Variants in TNKS1BP1 observed in about 807,000 individuals in gnomAD.
The protein encoded by TNKS1BP1 is 182 kDa tankyrase-1-binding protein.
TNKS1BP1 carries 48 observed loss-of-function variants against 141.1 expected under a neutral mutation model. The observed-to-expected ratio is 0.34, with a 90% CI of 0.27 to 0.43. The LOEUF is 0.43. Among genes scored for constraint, TNKS1BP1 ranks in the 20% least tolerant of loss-of-function variants. The probability of loss-of-function intolerance (pLI) is 1.00; values close to 1 mark genes in which losing one functional copy is unlikely to be tolerated. For missense variants in TNKS1BP1, 2,149 were observed against 2,226.0 expected (o/e 0.97, Z 0.70); for synonymous variants, 875 against 898.2 (o/e 0.97, Z 0.46).
chr11:57,313,935 G>T, intron 4 of TNKS1BP1, 46 bp from the exon 5 acceptor site: 1 of 1,433,014 alleles, frequency 7.0e-7, no homozygotes, highest in East Asian at 2.6e-5. Flanking sequence ...CCTCTCAGCG[G>T]GGCGGGGAGG....
At chr11:57,318,543 C>T (rs998477607) in intron 3 of TNKS1BP1, among the ~76,000 whole-genome samples, 16 of 152,240 alleles carry the variant, frequency 1.1e-4, no homozygotes, top group African/African-American at 3.9e-4. Flanking sequence ...GCCCAGACCA[C>T]ACCAGCTCTT....
In TNKS1BP1 at chr11:57,310,301, T is replaced by C. The variant is rs1855685628; in HGVS notation, c.2410A>G (p.Ser804Gly). 1 of 1,613,936 alleles carries C rather than the reference T, an allele frequency of 6.2e-7. No homozygotes were observed. The highest frequency in any genetic ancestry group is 1.3e-5 in the African/African-American group (1 of 74,928). The change falls in exon 6 of 12, where the codon AGC becomes GGC. Residue 804 changes from serine to glycine, a missense_variant. Physicochemically the swap from Ser to Gly is moderately conservative, Grantham distance 56. Coordinates refer to ENST00000358252, the MANE Select transcript of TNKS1BP1 (RefSeq NM_033396.3). ...CGIGQEEMEA[S>G]SSQDQSKVSA... ...ACTTTACTCTGGTCTTGGCTGCTGC[T>C]GGCCTCCATCTCCTCCTGGCCGATG...
At chr11:57,305,262 G>A (rs922662391) in intron 6 of TNKS1BP1, among the ~76,000 whole-genome samples, 1 of 152,178 alleles carries the variant, frequency 6.6e-6, no homozygotes, top group African/African-American at 2.4e-5. Context: ...CTGTAAAATG[G>A]GGATAATAAA....
At chr11:57,321,744 T>TGCCACCCCCCA in intron 2 of TNKS1BP1, 48 bp downstream of exon 2, 5 of 1,039,820 alleles carry the variant, frequency 4.8e-6, no homozygotes, top group Non-Finnish European at 7.4e-6. Flanking sequence ...CCTCTGTCCT[T>TGCCACCCCCCA]CCCACCCCCC....
In TNKS1BP1 at chr11:57,308,682, G is replaced by T. The variant is rs1315271821; in HGVS notation, c.4029C>A (p.Asp1343Glu). ...GLRGCGVGQM[D>E]WTQDLAPQNV... ...TCTGGGGCGCCAAGTCCTGGGTCCA[G>T]TCCATCTGCCCCACTCCACATCCCC... The change falls in exon 6 of 12, where the codon GAC becomes GAA. Residue 1343 changes from aspartate (D) to glutamate (E), a missense_variant. Asp to Glu is a conservative substitution (Grantham distance 45, BLOSUM62 2). Coordinates refer to ENST00000358252, the MANE Select transcript of TNKS1BP1 (RefSeq NM_033396.3). 2 of 1,612,742 alleles carry T rather than the reference G, an allele frequency of 1.2e-6. No homozygotes were observed. Among genetic ancestry groups the T allele is most frequent in the African/African-American group, 2.7e-5 (2 of 74,888 alleles).
intron 9 of TNKS1BP1, 34 bp from the exon 10 acceptor site, chr11:57,301,075 G>A (rs1159913029): frequency 1.3e-6 from 2 of 1,572,358 alleles, no homozygotes; most frequent in Admixed American, 1.8e-5. Flanking sequence ...ATAGATAGTA[G>A]AGGGACAGGC....
At chr11:57,307,442 CCT>C (rs1352420765) in intron 6 of TNKS1BP1, among the ~76,000 whole-genome samples, 1 of 152,060 alleles carries the variant, frequency 6.6e-6, no homozygotes, top group African/African-American at 2.4e-5. Context: ...GGCCCATCTT[CCT>C]CTCTCCCTTC....
rs200051904 is a variant in TNKS1BP1 at position 57,308,354 on chromosome 11, C to T, written c.4316+41G>A. On this transcript the variant is annotated intron_variant, in intron 6 of 11. Transcript: ENST00000358252. ...GTTCCGATTTCTTGGACAGCCTTCA[C>T]ATGTTCCCTCCCACACTTGGGATGG... 2.9e-3 allele frequency: 4,635 copies of T among 1,571,234 alleles called. 158 individuals carry two copies. In the South Asian group the frequency reaches 0.052, roughly 18 times the overall value.
At position 57,302,220 on chromosome 11, in the gene TNKS1BP1, G is replaced by A. The variant is rs765583223; in HGVS notation, c.4688C>T (p.Thr1563Ile). 1.9e-6 allele frequency: 3 copies of A among 1,610,718 alleles called. No homozygotes were observed. The highest frequency in any genetic ancestry group is 2.5e-6 in the Non-Finnish European group (3 of 1,178,928). ...ATACATGGCACTGTCGAGGATCTCGGTGTCCTGCTTGGGGCAATGGTGACA... is the reference window on the plus strand; with the variant it reads ...ATACATGGCACTGTCGAGGATCTCGATGTCCTGCTTGGGGCAATGGTGACA... The part of the protein sequence containing the change: ...PSQDFSFIED[T>I]EILDSAMYRS... Residue 1563 changes from threonine to isoleucine, a missense_variant, in exon 8 of 12, where the codon ACC becomes ATC. By Grantham distance (89) the Thr-to-Ile change is moderately conservative. Transcript: ENST00000358252. This position sits in a 1 kb window ranked among gnomAD's most constrained non-coding sequence, Gnocchi z 5.5.
chr11:57,317,770 C>G lies in TNKS1BP1; in HGVS notation c.798+48G>C. The G allele has an allele frequency of 1.3e-6, 2 of 1,574,624 alleles. 1 individual carries two copies. Among genetic ancestry groups the G allele is most frequent in the South Asian group, 2.2e-5 (2 of 89,610 alleles). ...GAAAAGATGATCTCATATGACCCTTCCAGCTCTAAAATACGTGATTCTGAT... is the reference window on the plus strand; with the variant it reads ...GAAAAGATGATCTCATATGACCCTTGCAGCTCTAAAATACGTGATTCTGAT... On this transcript the variant is annotated intron_variant, in intron 4 of 11. Transcript: ENST00000358252.
In TNKS1BP1 at chr11:57,320,291, C is replaced by T. The variant is rs1855864416; in HGVS notation, c.516G>A (p.Arg172=). 5 of 1,614,204 alleles carry T rather than the reference C, an allele frequency of 3.1e-6. No homozygotes were observed. The highest frequency in any genetic ancestry group is 4.2e-6 in the Non-Finnish European group (5 of 1,180,042). Reference sequence around the variant, plus strand: ...GGTCGGGGCTGGCAAGGACCTCCTTCCGAGGCTGCTCCATCTTGGCCAGGA... The same window carrying T: ...GGTCGGGGCTGGCAAGGACCTCCTTTCGAGGCTGCTCCATCTTGGCCAGGA... ...EEILAKMEQP[R]KEVLASPDRL... Residue 172 remains arginine (R), a synonymous_variant, in exon 3 of 12, where the codon CGG becomes CGA. Transcript: ENST00000358252.
intron 4 of TNKS1BP1, among the ~76,000 whole-genome samples, chr11:57,316,938 C>T (rs959412307): frequency 6.6e-6 from 1 of 152,208 alleles, no homozygotes; most frequent in Non-Finnish European, 1.5e-5. Flanking sequence ...ATCCAACCCC[C>T]CAACCCGTTG....
In TNKS1BP1 at chr11:57,309,069, A is replaced by G; in HGVS notation, c.3642T>C (p.Ser1214=). The G allele has an allele frequency of 1.9e-6, 3 of 1,614,018 alleles. No homozygotes were observed. Among genetic ancestry groups the G allele is most frequent in the Non-Finnish European group, 2.5e-6 (3 of 1,179,998 alleles). The change falls in exon 6 of 12, where the codon TCT becomes TCC. Residue 1214 remains serine (S), a synonymous_variant. Coordinates refer to ENST00000358252, the MANE Select transcript of TNKS1BP1 (RefSeq NM_033396.3). The surrounding 1 kb of genome is among the most constrained non-coding windows in gnomAD (Gnocchi z 4.3). The stretch of plus-strand genomic sequence containing the variant: ...CAACTCCGATTCCCCCCGGCTCTTC[A>G]GACCCTCCACTTTCCAAACAGCCGG... ...NLTGCLESGG[S]EEPGGIGVGE...
Position 57,313,317 on chromosome 11 carries a change from C to A in TNKS1BP1, c.1371G>T (p.Gln457His). The change falls in exon 5 of 12, where the codon CAG (glutamine) becomes CAT (histidine). Residue 457 changes from glutamine (Q) to histidine (H), a missense_variant. Gln to His is a conservative substitution (Grantham distance 24, BLOSUM62 0). Transcript: ENST00000358252. ...LAALPQGQGS[Q>H]LALDRPFGAE... ...CCCCAAAGGGACGATCCAGGGCCAACTGGCTCCCCTGGCCTTGGGGCAGGG... is the reference window on the plus strand; with the variant it reads ...CCCCAAAGGGACGATCCAGGGCCAAATGGCTCCCCTGGCCTTGGGGCAGGG... 3 of 1,612,946 alleles carry A rather than the reference C, an allele frequency of 1.9e-6. No individual in the cohort carries two copies. The highest frequency in any genetic ancestry group is 1.6e-4 in the Middle Eastern group (1 of 6,062).
rs150872522 is a variant in TNKS1BP1, at chr11:57,304,180, C to T, written c.4317-1355G>A. Among the ~76,000 whole-genome samples, 577 of 152,228 alleles carry T rather than the reference C, an allele frequency of 3.8e-3. 2 individuals are homozygous for T. Among genetic ancestry groups the T allele is most frequent in the African/African-American group, 0.013 (549 of 41,538 alleles). Reference sequence around the variant, plus strand: ...CGCACAGAGGTGTGGGAAAGCCTGGCACGGCAGTGCCTGGAAGCCAGGCCC... The same window carrying T: ...CGCACAGAGGTGTGGGAAAGCCTGGTACGGCAGTGCCTGGAAGCCAGGCCC... On this transcript the variant is annotated intron_variant, in intron 6 of 11. Transcript: ENST00000358252.
chr11:57,321,751 C>CTCCT (rs1855889617), intron 2 of TNKS1BP1, 41 bp downstream of exon 2: 1 of 1,426,528 alleles, frequency 7.0e-7, no homozygotes, highest in Admixed American at 1.9e-5. Flanking sequence ...CCTTCCCACC[C>CTCCT]CCCTCCCAGC....
chr11:57,301,979 G>A, intron 8 of TNKS1BP1, 36 bp from the exon 9 acceptor site: 1 of 1,610,424 alleles, frequency 6.2e-7, no homozygotes, highest in Non-Finnish European at 8.5e-7. Context: ...AGAAAAGGCA[G>A]CACACCCAGA....
intron 4 of TNKS1BP1, among the ~76,000 whole-genome samples, chr11:57,316,213 A>C (rs1263165129): frequency 6.6e-6 from 1 of 152,008 alleles, no homozygotes; most frequent in Admixed American, 6.5e-5. Flanking sequence ...CTGACAGCTG[A>C]TGGCGCCCTC....
chr11:57,312,331 G>A (rs1855725155), intron 5 of TNKS1BP1, among the ~76,000 whole-genome samples: 1 of 152,180 alleles, frequency 6.6e-6, no homozygotes, highest in South Asian at 2.1e-4. Flanking sequence ...GATTGCTGGA[G>A]CTGGGATAGA....
Sources: gnomAD v4.1 joint callset for allele counts (sites outside exome capture counted in the v4.1 genomes callset) on GRCh38, gnomAD v4.1.1 for gene constraint, Gnocchi (gnomAD v3.1) non-coding constraint, MANE v1.5 for transcripts, NCBI Gene and HGNC (gene_info 2026-07-23, HGNC 2026-07-21) for gene names.